Variants in SUMF1 observed in about 807,000 individuals in gnomAD.
SUMF1 encodes formylglycine-generating enzyme.
In SUMF1, 48 loss-of-function variants were observed where a neutral mutation model predicts 47.6. The ratio of observed to expected loss-of-function variants is 1.01; its 90% CI spans 0.80 to 1.28. The LOEUF (loss-of-function observed/expected upper bound fraction) is 1.28, where lower values mean the gene tolerates loss of function less well. SUMF1 is among the 50% of genes most tolerant of loss of function. The pLI is 0.00. For missense variants in SUMF1, 571 were observed against 485.4 expected (o/e 1.18, Z -1.66); for synonymous variants, 230 against 192.1 (o/e 1.20, Z -1.63).
chr3:4,090,251 C>A (rs984322411), intron 8 of SUMF1, among the ~76,000 whole-genome samples: 1 of 152,186 alleles, frequency 6.6e-6, no homozygotes, highest in Admixed American at 6.5e-5. Context: ...ATTTCCTAAC[C>A]CAGGTCCACT....
chr3:4,074,075 C>A (rs960506548), intron 8 of SUMF1, among the ~76,000 whole-genome samples: 1 of 152,106 alleles, frequency 6.6e-6, no homozygotes, highest in African/African-American at 2.4e-5. Context: ...CTAAAATTGA[C>A]CACATAATTG....
intron 8 of SUMF1, among the ~76,000 whole-genome samples, chr3:4,188,353 TG>T (rs1222142993): frequency 5.9e-5 from 9 of 152,218 alleles, no homozygotes; most frequent in African/African-American, 2.2e-4. Flanking sequence ...ATACATTCTA[TG>T]GGTTTGGAAA....
chr3:4,319,092 G>A (rs776445480), intron 8 of SUMF1, among the ~76,000 whole-genome samples: 13 of 152,256 alleles, frequency 8.5e-5, no homozygotes, highest in Non-Finnish European at 1.2e-4. Context: ...GGTAGAAAGC[G>A]AAAACACTAA....
At chr3:4,231,006 A>G (rs1559592103) in intron 8 of SUMF1, among the ~76,000 whole-genome samples, 1 of 152,188 alleles carries the variant, frequency 6.6e-6, no homozygotes, top group Admixed American at 6.5e-5. Flanking sequence ...TATGTCTACA[A>G]AAGATTTATA....
intron 8 of SUMF1, among the ~76,000 whole-genome samples, chr3:4,084,182 G>C (rs1692624632): frequency 6.6e-6 from 1 of 152,036 alleles, no homozygotes; most frequent in South Asian, 2.1e-4. Context: ...ATGAGCCTGG[G>C]CAAATTCACA....
At chr3:4,325,808 T>C (rs1281663043) in intron 8 of SUMF1, among the ~76,000 whole-genome samples, 3 of 151,742 alleles carry the variant, frequency 2.0e-5, no homozygotes, top group Non-Finnish European at 4.4e-5. Context: ...CAGAATCCAG[T>C]CCAAATAAAT....
At chr3:4,272,540 G>C (rs372953803) in intron 8 of SUMF1, among the ~76,000 whole-genome samples, 1 of 152,148 alleles carries the variant, frequency 6.6e-6, no homozygotes, top group Non-Finnish European at 1.5e-5. Context: ...GAAACTATCA[G>C]GTAGCAGCAG....
intron 8 of SUMF1, among the ~76,000 whole-genome samples, chr3:4,319,159 A>C (rs1575093810): frequency 1.3e-5 from 2 of 152,338 alleles, no homozygotes; most frequent in Middle Eastern, 6.8e-3. Context: ...TGTTCATTGA[A>C]ATGTGACATG....
intron 7 of SUMF1, among the ~76,000 whole-genome samples, chr3:4,407,494 C>G (rs1294716352): frequency 6.6e-6 from 1 of 152,172 alleles, no homozygotes; most frequent in Non-Finnish European, 1.5e-5. Flanking sequence ...TCTAACCAGC[C>G]TCTGCTTATG....
At chr3:4,311,527 A>T (rs1287934714) in intron 8 of SUMF1, among the ~76,000 whole-genome samples, 1 of 152,188 alleles carries the variant, frequency 6.6e-6, no homozygotes, top group Non-Finnish European at 1.5e-5. Context: ...GTTTAGAAGA[A>T]CACATTGGTG....
chr3:4,060,993 A>C (rs764481986), intron 9 of SUMF1, among the ~76,000 whole-genome samples: 15 of 152,182 alleles, frequency 9.9e-5, no homozygotes, highest in Non-Finnish European at 2.1e-4. Flanking sequence ...AAGTGTCTTG[A>C]GGAATGTCTG....
chr3:4,225,970 G>C (rs1039154415), intron 8 of SUMF1, among the ~76,000 whole-genome samples: 1 of 152,068 alleles, frequency 6.6e-6, no homozygotes, highest in Non-Finnish European at 1.5e-5. Context: ...GGGCAGGATG[G>C]TGGGAGCAGA....
intron 8 of SUMF1, among the ~76,000 whole-genome samples, chr3:4,242,882 C>T (rs540406874): frequency 1.6e-4 from 24 of 152,230 alleles, no homozygotes; most frequent in Middle Eastern, 3.4e-3. Context: ...TGGTAGAATT[C>T]GGGTGTGAAT....
rs1249474135 is a variant in SUMF1, at chr3:4,388,582, CTT to C, written c.955-12195_955-12194del. 2.0e-5 allele frequency among the ~76,000 whole-genome samples: 3 copies of C among 151,904 alleles called. No individual in the cohort carries two copies. The East Asian group carries it at 5.8e-4, about 29-fold the overall frequency. The stretch of plus-strand genomic sequence containing the variant: ...AATATAATTATTGGTATGTCAAAGA[CTT>C]AAGTCTGTCATTTTATTTTTTGTTT... On this transcript the variant is annotated intron_variant, in intron 7 of 8. Transcript: ENST00000272902.
intron 8 of SUMF1, among the ~76,000 whole-genome samples, chr3:4,176,024 A>AAT (rs767645089): frequency 2.0e-5 from 3 of 152,188 alleles, no homozygotes; most frequent in Non-Finnish European, 4.4e-5. Flanking sequence ...GCCTCCAAGA[A>AAT]ATATGGGACT....
chr3:4,226,889 C>G (rs577276443), intron 8 of SUMF1, among the ~76,000 whole-genome samples: 1 of 152,128 alleles, frequency 6.6e-6, no homozygotes, highest in Non-Finnish European at 1.5e-5. Context: ...CTCCCGTCCC[C>G]TACTCCAGTG....
At chr3:4,322,554 G>C (rs1698858787) in intron 8 of SUMF1, among the ~76,000 whole-genome samples, 1 of 152,026 alleles carries the variant, frequency 6.6e-6, no homozygotes, top group Non-Finnish European at 1.5e-5. Flanking sequence ...AAGCTACTTA[G>C]GGGTCTGAAG....
intron 8 of SUMF1, among the ~76,000 whole-genome samples, chr3:4,155,414 G>A (rs1463824741): frequency 6.6e-6 from 1 of 151,676 alleles, no homozygotes; most frequent in Non-Finnish European, 1.5e-5. Context: ...GCTTTTCCCA[G>A]CTCCTTTAGG....
intron 8 of SUMF1, among the ~76,000 whole-genome samples, chr3:4,214,979 C>T (rs1356692226): frequency 6.6e-6 from 1 of 152,120 alleles, no homozygotes; most frequent in Non-Finnish European, 1.5e-5. Flanking sequence ...CAAAGAGGAG[C>T]TGGTACCATT....
Sources: gnomAD v4.1 joint callset for allele counts (sites outside exome capture counted in the v4.1 genomes callset) on GRCh38, gnomAD v4.1.1 for gene constraint, MANE v1.5 for transcripts, NCBI Gene and HGNC (gene_info 2026-07-23, HGNC 2026-07-21) for gene names.